The following HECW2 variants were observed in gnomAD, a reference collection of about 807,000 sequenced individuals.
The protein encoded by HECW2 is HECT, C2 and WW domain containing E3 ubiquitin protein ligase 2.
Under a neutral mutation model 175.2 loss-of-function variants are expected in HECW2, and 61 were observed. The ratio of observed to expected loss-of-function variants is 0.35; its 90% CI spans 0.28 to 0.43. HECW2 has a LOEUF of 0.43. HECW2 is among the 20% of genes least tolerant of loss of function. HECW2 has a pLI of 1.00. For synonymous variants in HECW2, 671 were observed against 731.0 expected (o/e 0.92, Z 1.32); for missense variants, 1,524 against 2,000.5 (o/e 0.76, Z 4.54).
Position 196,587,756 on chromosome 2 carries a change from CA to C in HECW2, c.-36+5751del, listed in dbSNP as rs984836640. ...CAGTGCAGTCTTTGCAGCACAAATA[CA>C]ATCTTAAATATTATAATAAGTTTTA... On this transcript the variant is annotated intron_variant, in intron 1 of 28. Transcript: ENST00000644978. Among the ~76,000 whole-genome samples, 71 of 152,268 alleles carry C rather than the reference CA, an allele frequency of 4.7e-4. 1 individual carries two copies. The highest frequency in any genetic ancestry group is 1.6e-3 in the African/African-American group (66 of 41,560).
chr2:196,371,657 A>C (rs1250876587), intron 2 of HECW2, among the ~76,000 whole-genome samples: 1 of 152,158 alleles, frequency 6.6e-6, no homozygotes, highest in Non-Finnish European at 1.5e-5. Flanking sequence ...TAGATCTTGT[A>C]TTTTATTCCA....
At chr2:196,203,650 G>A (rs1371297567) in intron 28 of HECW2, among the ~76,000 whole-genome samples, 1 of 151,884 alleles carries the variant, frequency 6.6e-6, no homozygotes, top group Middle Eastern at 3.2e-3. Flanking sequence ...TTCCTGTTTT[G>A]TGATCCATAT....
chr2:196,445,269 CA>C (rs1247259316), intron 1 of HECW2, among the ~76,000 whole-genome samples: 2 of 152,132 alleles, frequency 1.3e-5, no homozygotes, highest in East Asian at 1.9e-4. Context: ...TGCAAAAGAA[CA>C]AAGTCAACAG....
At chr2:196,295,420 A>G (rs928189675) in intron 13 of HECW2, among the ~76,000 whole-genome samples, 4 of 152,218 alleles carry the variant, frequency 2.6e-5, no homozygotes, top group Admixed American at 6.5e-5. Flanking sequence ...ATATTTTCAC[A>G]TAAGTCATTG....
intron 2 of HECW2, among the ~76,000 whole-genome samples, chr2:196,426,712 T>C (rs1220552699): frequency 1.3e-5 from 2 of 152,048 alleles, no homozygotes; most frequent in African/African-American, 4.8e-5. Context: ...GAAAGAAAAA[T>C]GAAGACTTGG....
intron 28 of HECW2, among the ~76,000 whole-genome samples, chr2:196,208,843 G>A (rs1353337093): frequency 6.6e-6 from 1 of 152,180 alleles, no homozygotes; most frequent in African/African-American, 2.4e-5. Flanking sequence ...GAAGTCCTTG[G>A]GAAGGAGTCT....
In HECW2 at chr2:196,306,484, T is replaced by G. The variant is rs1443535922; in HGVS notation, c.2814+4A>C. The G allele has an allele frequency of 6.2e-7, 1 of 1,604,220 alleles. No homozygotes were observed. The highest frequency in any genetic ancestry group is 2.3e-5 in the East Asian group (1 of 44,352). On this transcript the variant is annotated splice_donor_region_variant and intron_variant, in intron 13 of 28. Coordinates refer to ENST00000644978, the MANE Select transcript of HECW2 (RefSeq NM_001348768.2). ...CTTCACACTCTTTCAGATTCGCTAC[T>G]CACAGGGTTAGAATGCAGCACGGTG...
chr2:196,299,102 A>G (rs1282349199), intron 13 of HECW2, among the ~76,000 whole-genome samples: 2 of 152,218 alleles, frequency 1.3e-5, no homozygotes, highest in African/African-American at 4.8e-5. Context: ...CAGGAAAATA[A>G]TACTTCCTAA....
chr2:196,418,350 G>A lies in HECW2; in HGVS notation c.292+14782C>T, dbSNP rs547317111. On this transcript the variant is annotated intron_variant, in intron 2 of 28. Coordinates refer to ENST00000644978, the MANE Select transcript of HECW2 (RefSeq NM_001348768.2). ...TCACTGTGTTAGCCAGGATGGTCTCGATTTCCTGACCTCGTGATCTGCCTG... is the reference window on the plus strand; with the variant it reads ...TCACTGTGTTAGCCAGGATGGTCTCAATTTCCTGACCTCGTGATCTGCCTG... Among the ~76,000 whole-genome samples the A allele has an allele frequency of 1.1e-4, 16 of 152,144 alleles. No homozygotes were observed. The South Asian group carries it at 3.3e-3, about 32-fold the overall frequency.
chr2:196,409,272 C>A (rs575021757), intron 2 of HECW2, among the ~76,000 whole-genome samples: 3 of 152,180 alleles, frequency 2.0e-5, no homozygotes, highest in African/African-American at 2.4e-5. Flanking sequence ...TTCTAATATT[C>A]CCATTAACTG....
intron 2 of HECW2, among the ~76,000 whole-genome samples, chr2:196,353,800 C>T (rs552470414): frequency 1.3e-5 from 2 of 152,294 alleles, no homozygotes; most frequent in East Asian, 3.9e-4. Context: ...TATGGTCTGT[C>T]CCTCTCCCAT....
chr2:196,347,763 T>C (rs1575443724), intron 2 of HECW2, among the ~76,000 whole-genome samples: 2 of 152,254 alleles, frequency 1.3e-5, no homozygotes, highest in Admixed American at 6.5e-5. Context: ...GCTGCGTTAT[T>C]CCTTGCCAAC....
intron 1 of HECW2, among the ~76,000 whole-genome samples, chr2:196,486,711 A>G (rs1687020559): frequency 6.6e-6 from 1 of 152,234 alleles, no homozygotes; most frequent in South Asian, 2.1e-4. Context: ...ATTTTAACCT[A>G]GTAACAAAGA....
intron 1 of HECW2, among the ~76,000 whole-genome samples, chr2:196,573,577 G>A (rs768191452): frequency 8.6e-5 from 13 of 151,946 alleles, no homozygotes; most frequent in Non-Finnish European, 1.0e-4. Flanking sequence ...CAGTTAGCTG[G>A]AAAAGCCCTA....
intron 2 of HECW2, among the ~76,000 whole-genome samples, chr2:196,385,909 C>T (rs1301959467): frequency 3.9e-5 from 6 of 152,030 alleles, no homozygotes; most frequent in African/African-American, 1.2e-4. Flanking sequence ...ATGTAAAATG[C>T]CTCATTTAAT....
chr2:196,397,753 T>C (rs541294115), intron 2 of HECW2, among the ~76,000 whole-genome samples: 2 of 152,280 alleles, frequency 1.3e-5, no homozygotes, highest in East Asian at 3.9e-4. Flanking sequence ...ATTCTTTAGG[T>C]TGGGATTTCC....
chr2:196,408,281 G>C (rs1257484465), intron 2 of HECW2, among the ~76,000 whole-genome samples: 1 of 152,196 alleles, frequency 6.6e-6, no homozygotes, highest in Non-Finnish European at 1.5e-5. Flanking sequence ...GAAAAACATT[G>C]AATGAGGTAT....
intron 13 of HECW2, among the ~76,000 whole-genome samples, chr2:196,294,023 T>C (rs984858439): frequency 3.3e-5 from 5 of 152,194 alleles, no homozygotes; most frequent in African/African-American, 1.2e-4. Context: ...CATCTCATTC[T>C]TTTTTCTTTT....
chr2:196,541,001 C>T (rs906142783), intron 1 of HECW2, among the ~76,000 whole-genome samples: 3 of 152,154 alleles, frequency 2.0e-5, no homozygotes, highest in Non-Finnish European at 4.4e-5. Context: ...TGTGCCCTTC[C>T]GTCAATCAGT....
Sources: allele counts gnomAD v4.1 joint callset (sites outside exome capture counted in the v4.1 genomes callset), GRCh38; gene constraint gnomAD v4.1.1; transcripts MANE v1.5; gene names NCBI Gene and HGNC (gene_info 2026-07-23, HGNC 2026-07-21).